Variants in CHCHD6 observed in about 807,000 individuals in gnomAD.
CHCHD6 encodes the protein MICOS complex subunit MIC25.
Under a neutral mutation model 32.3 loss-of-function variants are expected in CHCHD6, and 28 were observed. The ratio of observed to expected loss-of-function variants is 0.87; its 90% confidence interval spans 0.64 to 1.19. CHCHD6 has a LOEUF of 1.19. Among genes scored for constraint, CHCHD6 ranks in the 50% most tolerant of loss-of-function variants. The probability of loss-of-function intolerance (pLI) is 0.00; values close to 1 mark genes in which losing one functional copy is unlikely to be tolerated. For synonymous variants in CHCHD6, 122 were observed against 117.5 expected (o/e 1.04, Z -0.25); for missense variants, 333 against 307.0 (o/e 1.08, Z -0.63).
chr3:126,855,100 A>T (rs1196709838), intron 5 of CHCHD6, among the ~76,000 whole-genome samples: 1 of 152,208 alleles, frequency 6.6e-6, no homozygotes, highest in Non-Finnish European at 1.5e-5. Context: ...CCTTCTGAGT[A>T]ATTGTTCCTC....
chr3:126,817,111 G>A (rs992994779), intron 4 of CHCHD6, among the ~76,000 whole-genome samples: 1 of 152,144 alleles, frequency 6.6e-6, no homozygotes, highest in Admixed American at 6.5e-5. Context: ...TTTTGCAAGG[G>A]TAAGGAGGCT....
chr3:126,852,193 G>A (rs1037466721), intron 4 of CHCHD6, among the ~76,000 whole-genome samples: 1 of 152,186 alleles, frequency 6.6e-6, no homozygotes, highest in South Asian at 2.1e-4. Flanking sequence ...TGTGGCTCAC[G>A]GCAGCACACC....
chr3:126,897,663 C>T (rs1020085880), intron 5 of CHCHD6, among the ~76,000 whole-genome samples: 4 of 152,194 alleles, frequency 2.6e-5, no homozygotes, highest in African/African-American at 7.2e-5. Flanking sequence ...AAAAAGGAGA[C>T]GATGTTCCCA....
chr3:126,928,674 C>T (rs1446890094), intron 6 of CHCHD6, among the ~76,000 whole-genome samples: 1 of 152,204 alleles, frequency 6.6e-6, no homozygotes, highest in Non-Finnish European at 1.5e-5. Context: ...TCCAGTCTCC[C>T]TGGGAAGCGG....
At chr3:126,792,116 C>T (rs529571674) in intron 4 of CHCHD6, among the ~76,000 whole-genome samples, 4 of 151,776 alleles carry the variant, frequency 2.6e-5, no homozygotes, top group South Asian at 4.2e-4. Flanking sequence ...TCCATTCATC[C>T]GTTGATGGAC....
At chr3:126,953,626 A>G (rs934206311) in intron 6 of CHCHD6, among the ~76,000 whole-genome samples, 5 of 152,278 alleles carry the variant, frequency 3.3e-5, no homozygotes, top group Admixed American at 1.3e-4. Flanking sequence ...TACTGTTCCC[A>G]TTGTACCAAT....
chr3:126,890,954 G>A (rs979197063), intron 5 of CHCHD6, among the ~76,000 whole-genome samples: 1 of 152,194 alleles, frequency 6.6e-6, no homozygotes, highest in African/African-American at 2.4e-5. Flanking sequence ...AGTGAAGAAG[G>A]ATGTGAGAGA....
chr3:126,840,662 T>A (rs2107546554), intron 4 of CHCHD6, among the ~76,000 whole-genome samples: 1 of 152,262 alleles, frequency 6.6e-6, no homozygotes, highest in Non-Finnish European at 1.5e-5. Flanking sequence ...GTATATTTTC[T>A]TTTCTGATTA....
At chr3:126,769,036 G>T (rs1487041379) in intron 4 of CHCHD6, among the ~76,000 whole-genome samples, 1 of 152,156 alleles carries the variant, frequency 6.6e-6, no homozygotes, top group Admixed American at 6.5e-5. Context: ...AAGTTCTTTA[G>T]TTTAATTAGA....
chr3:126,872,445 C>T (rs867116500), intron 5 of CHCHD6, among the ~76,000 whole-genome samples: 6 of 152,088 alleles, frequency 3.9e-5, no homozygotes, highest in African/African-American at 7.2e-5. Flanking sequence ...CTGAAGTGCT[C>T]GGTAAAAAGA....
intron 5 of CHCHD6, among the ~76,000 whole-genome samples, chr3:126,859,539 C>T (rs1245551503): frequency 6.6e-6 from 1 of 152,350 alleles, no homozygotes; most frequent in East Asian, 1.9e-4. Context: ...CTGTGTCCTA[C>T]AGAATGACAG....
At chr3:126,815,415 G>T (rs1939842500) in intron 4 of CHCHD6, among the ~76,000 whole-genome samples, 1 of 152,138 alleles carries the variant, frequency 6.6e-6, no homozygotes, top group Non-Finnish European at 1.5e-5. Context: ...CCTCTGTCTT[G>T]TCTGCCAGGC....
At chr3:126,708,055 G>C (rs983155522) in intron 1 of CHCHD6, among the ~76,000 whole-genome samples, 2 of 152,222 alleles carry the variant, frequency 1.3e-5, no homozygotes, top group Non-Finnish European at 2.9e-5. Flanking sequence ...GAAACAAAAA[G>C]GGTGCAAAAG....
At chr3:126,855,219 A>G (rs1941620815) in intron 5 of CHCHD6, among the ~76,000 whole-genome samples, 1 of 152,174 alleles carries the variant, frequency 6.6e-6, no homozygotes, top group African/African-American at 2.4e-5. Flanking sequence ...TGGCACCTGA[A>G]GAAGCAGCCT....
Position 126,915,207 on chromosome 3 carries a change from C to T in CHCHD6, c.566+457C>T, listed in dbSNP as rs571155691. On this transcript the variant is annotated intron_variant, in intron 6 of 7. Transcript: ENST00000290913. ...AGTGCACCCTGTGCGCAGTCATGCT[C>T]GGGGTGGCCCACACTTCATGCCCAG... 7.2e-5 allele frequency among the ~76,000 whole-genome samples: 11 copies of T among 152,354 alleles called. No individual in the cohort carries two copies. The South Asian group carries it at 2.1e-3, about 29-fold the overall frequency.
chr3:126,778,722 C>T (rs1377682418), intron 4 of CHCHD6, among the ~76,000 whole-genome samples: 1 of 152,064 alleles, frequency 6.6e-6, no homozygotes, highest in Non-Finnish European at 1.5e-5. Context: ...TTTCTTTTCA[C>T]TTACTTGATA....
chr3:126,832,903 A>C (rs565172616), intron 4 of CHCHD6, among the ~76,000 whole-genome samples: 5 of 152,318 alleles, frequency 3.3e-5, no homozygotes, highest in African/African-American at 1.2e-4. Context: ...ACAGATATGG[A>C]AAGGGTGGGG....
At chr3:126,959,039 C>A (rs1177882500) in intron 7 of CHCHD6, among the ~76,000 whole-genome samples, 1 of 152,232 alleles carries the variant, frequency 6.6e-6, no homozygotes, top group Admixed American at 6.5e-5. Flanking sequence ...AGACTCCATC[C>A]TCTCTCCATC....
intron 4 of CHCHD6, chr3:126,766,798 C>T: frequency 9.5e-7 from 1 of 1,056,818 alleles, no homozygotes; most frequent in Non-Finnish European, 1.5e-6. Flanking sequence ...ACCCACTTCA[C>T]TGATGGCAAA....
Sources: gnomAD v4.1 joint callset for allele counts (sites outside exome capture counted in the v4.1 genomes callset) on GRCh38, gnomAD v4.1.1 for gene constraint, MANE v1.5 for transcripts, NCBI Gene and HGNC (gene_info 2026-07-23, HGNC 2026-07-21) for gene names.